The following SEMA4C variants were observed in gnomAD, a reference collection of about 807,000 sequenced individuals.
SEMA4C encodes the protein semaphorin 4C, also known as semaphorin-4C.
Under a neutral mutation model 89.0 loss-of-function variants are expected in SEMA4C, and 19 were observed. That is an observed-to-expected ratio of 0.21 (90% CI 0.15 to 0.31). The LOEUF is 0.31. SEMA4C is among the 10% of genes least tolerant of loss of function. The pLI, the probability that SEMA4C is intolerant of heterozygous loss-of-function variation, is 1.00. For missense variants in SEMA4C, 811 were observed against 1,107.0 expected, an observed-to-expected ratio of 0.73 and a Z score of 3.79; for synonymous variants, 428 against 472.7, an observed-to-expected ratio of 0.91 and a Z score of 1.23.
chr2:96,869,070 G>T, intron 1 of SEMA4C: 2 of 985,364 alleles, frequency 2.0e-6, no homozygotes, highest in South Asian at 4.7e-5. Context: ...CGCGGGGAGC[G>T]TGGCGAGCCC....
At chr2:96,868,826 C>T in intron 1 of SEMA4C, 1 of 985,382 alleles carries the variant, frequency 1.0e-6, no homozygotes, top group Non-Finnish European at 1.2e-6. Flanking sequence ...CGCTGCGCTC[C>T]CGCGACTCTG....
At position 96,865,912 on chromosome 2, in the gene SEMA4C, G is replaced by A. The variant is rs200002903; in HGVS notation, c.276C>T (p.Pro92=). 1.9e-4 allele frequency: 310 copies of A among 1,614,022 alleles called. No individual in the cohort carries two copies. The East Asian group carries it at 4.1e-3, about 21-fold the overall frequency. Residue 92 remains proline (P), a synonymous_variant, in exon 4 of 15, where the codon CCC becomes CCT. Coordinates refer to ENST00000305476, the MANE Select transcript of SEMA4C (RefSeq NM_017789.5). The part of the protein sequence containing the change: ...ELQGAISWEA[P]VEKKTECIQK... ...GGATACACTCAGTCTTCTTCTCCAC[G>A]GGGGCCTCCCAGGAGATCTGGGGAA... is the stretch of plus-strand genomic sequence containing the variant.
rs929738360 is a variant in SEMA4C, at chr2:96,869,398, C to T, written c.-38+478G>A. The T allele has an allele frequency of 3.1e-6, 3 of 982,802 alleles. No individual in the cohort carries two copies. The African/African-American group carries it at 5.3e-5, about 17-fold the overall frequency. 60.9% of individuals were successfully genotyped at this position (982,802 alleles called of 1,614,324 possible). A position where few individuals can be genotyped will look rare whatever the true frequency, so the allele number is the denominator to read the frequency against. On this transcript the variant is annotated intron_variant, in intron 1 of 14. Coordinates refer to ENST00000305476, the MANE Select transcript of SEMA4C (RefSeq NM_017789.5). The stretch of plus-strand genomic sequence containing the variant: ...CCTCCCTGCAGGGCGAGCGCTCCAG[C>T]CGGGGACGGCGCGGCCCGGCTCGGC...
intron 12 of SEMA4C, 122 bp downstream of exon 12, chr2:96,863,558 ATG>A: frequency 4.5e-5 from 56 of 1,240,740 alleles, no homozygotes; most frequent in Admixed American, 6.4e-5. Flanking sequence ...GTGCATCCAC[ATG>A]TGTGTGTGTT....
In SEMA4C at chr2:96,860,266, T is replaced by C. The variant is rs1428962929; in HGVS notation, c.*360A>G. On this transcript the variant is annotated 3_prime_UTR_variant, in exon 15 of 15. Coordinates refer to ENST00000305476, the MANE Select transcript of SEMA4C (RefSeq NM_017789.5). ...AGACTTGACAGAAACAGGAAGGCTA[T>C]GCCACAAGCGCGCACGCGCGTGCAC... The C allele has an allele frequency of 2.6e-5, 6 of 232,354 alleles. No individual in the cohort carries two copies. In the East Asian group the frequency reaches 5.4e-4, roughly 21 times the overall value. The allele number at this position is 232,354 out of a possible 1,614,324, so 14.4% of individuals were successfully genotyped here. A position where few individuals can be genotyped will look rare whatever the true frequency, so the allele number is the denominator to read the frequency against.
intron 1 of SEMA4C, chr2:96,868,344 GGGA>G: frequency 1.2e-6 from 1 of 867,146 alleles, no homozygotes; most frequent in Non-Finnish European, 1.4e-6. Flanking sequence ...ACCTAATTCT[GGGA>G]GGAAGACTCC....
intron 1 of SEMA4C, chr2:96,868,846 C>T: frequency 1.0e-6 from 1 of 985,412 alleles, no homozygotes; most frequent in African/African-American, 1.7e-5. Context: ...GACGAACCTT[C>T]CCAACTCGGG....
chr2:96,870,016 G>A lies in SEMA4C; in HGVS notation c.-178C>T, dbSNP rs187674122. The A allele has an allele frequency of 8.9e-4, 877 of 985,316 alleles. 31 individuals carry two copies. The East Asian group carries it at 0.074, about 83-fold the overall frequency. 61.0% of individuals were successfully genotyped at this position (985,316 alleles called of 1,614,324 possible). A position where few individuals can be genotyped will look rare whatever the true frequency, so the allele number is the denominator to read the frequency against. On this transcript the variant is annotated 5_prime_UTR_variant, in exon 1 of 15. Transcript: ENST00000305476. ...TCTCTGCCACCGCCCCTCCGTCCCC[G>A]CCCGGCTCCGCGCCCCTAGGCTCGG...
At chr2:96,868,488 C>CA in intron 1 of SEMA4C, 2 of 990,298 alleles carry the variant, frequency 2.0e-6, no homozygotes, top group South Asian at 9.2e-5. Flanking sequence ...AATAGCCCTG[C>CA]AGAACCCCAA....
At chr2:96,867,576 T>C (rs2080108328) in intron 2 of SEMA4C, among the ~76,000 whole-genome samples, 1 of 152,094 alleles carries the variant, frequency 6.6e-6, no homozygotes, top group Non-Finnish European at 1.5e-5. Flanking sequence ...CTCCCACACC[T>C]GGGCAGGCAG....
chr2:96,865,352 A>G (rs749771524), intron 6 of SEMA4C, 32 bp from the exon 7 acceptor site: 3 of 1,612,340 alleles, frequency 1.9e-6, no homozygotes, highest in Non-Finnish European at 2.5e-6. Flanking sequence ...TAGGCCACAC[A>G]TGAGGTATGG....
rs187918154 is a variant in SEMA4C at position 96,861,938 on chromosome 2, C to T, written c.1444-44G>A. The T allele has an allele frequency of 5.2e-4, 820 of 1,564,078 alleles. 2 individuals carry two copies. The highest frequency in any genetic ancestry group is 3.2e-3 in the Middle Eastern group (17 of 5,330). ...GCAGGAGGGGGGTCGGCCAGGGCCA[C>T]ACCACGGGAGGGGCGGCCGGACCAG... On this transcript the variant is annotated intron_variant, in intron 12 of 14. Transcript: ENST00000305476. The surrounding 1 kb of genome is among the most constrained non-coding windows in gnomAD (Gnocchi z 7.8).
chr2:96,868,123 G>A (rs1019904756), intron 1 of SEMA4C, among the ~76,000 whole-genome samples, 200 bp from the exon 2 acceptor site: 3 of 152,242 alleles, frequency 2.0e-5, no homozygotes, highest in Non-Finnish European at 2.9e-5. Flanking sequence ...GGGAAGCGGG[G>A]AGGAGTTGAG....
chr2:96,864,895 G>A lies in SEMA4C; in HGVS notation c.787-15C>T, dbSNP rs745849511. ...CCCATATCGCCCTGGCAGACGGCAA[G>A]GGGACACTGCCGGTCAGCCCCGCTG... On this transcript the variant is annotated splice_polypyrimidine_tract_variant and intron_variant, in intron 8 of 14. Coordinates refer to ENST00000305476, the MANE Select transcript of SEMA4C (RefSeq NM_017789.5). This position sits in a 1 kb window ranked among gnomAD's most constrained non-coding sequence, Gnocchi z 6.3. 34 of 1,612,240 alleles carry A rather than the reference G, an allele frequency of 2.1e-5. No individual in the cohort carries two copies. The highest frequency in any genetic ancestry group is 2.8e-5 in the Non-Finnish European group (33 of 1,179,300).
chr2:96,866,411 G>T lies in SEMA4C; in HGVS notation c.130C>A (p.Arg44=), dbSNP rs765364483. The T allele has an allele frequency of 7.4e-6, 12 of 1,613,838 alleles. No homozygotes were observed. The highest frequency in any genetic ancestry group is 1.3e-5 in the African/African-American group (1 of 74,946). ...TCCTGGATGCCGGTCTGGGAGAACC[G>T]CCGTACTACCGTGGCCAGCTCTGCA... is the stretch of plus-strand genomic sequence containing the variant. ...SSGELATVVR[R]FSQTGIQDFL... Residue 44 remains arginine, a synonymous_variant, in exon 3 of 15, where the codon CGG becomes AGG. Coordinates refer to ENST00000305476, the MANE Select transcript of SEMA4C (RefSeq NM_017789.5).
At chr2:96,870,127 G>A, upstream of SEMA4C, 3 of 973,318 alleles carry the variant, frequency 3.1e-6, no homozygotes, top group South Asian at 4.7e-5. Context: ...GTCAGGCTGG[G>A]GGGGTCGAGC....
At position 96,864,999 on chromosome 2, in the gene SEMA4C, C is replaced by T. The variant is rs780172981; in HGVS notation, c.751G>A (p.Glu251Lys). ...CGGGCCACACGAGCCACCACCTGCTCGGCATAGCAGTCGGACTCCACTGCC... is the reference window on the plus strand; with the variant it reads ...CGGGCCACACGAGCCACCACCTGCTTGGCATAGCAGTCGGACTCCACTGCC... ...ERAVESDCYA[E>K]QVVARVARVC... Residue 251 changes from glutamate (E) to lysine (K), a missense_variant, in exon 8 of 15, where the codon GAG (glutamate) becomes AAG (lysine). Physicochemically the swap from Glu to Lys is moderately conservative, Grantham distance 56 (BLOSUM62 1). Transcript: ENST00000305476. The surrounding 1 kb of genome is among the most constrained non-coding windows in gnomAD (Gnocchi z 6.3). The T allele has an allele frequency of 1.3e-6, 2 of 1,565,356 alleles. No homozygotes were observed. Among genetic ancestry groups the T allele is most frequent in the African/African-American group, 1.4e-5 (1 of 73,632 alleles).
At chr2:96,870,094 C>G, upstream of SEMA4C, 2 of 970,920 alleles carry the variant, frequency 2.1e-6, no homozygotes, top group Non-Finnish European at 2.4e-6. Flanking sequence ...GCGGCCGCGG[C>G]TCTCCGCCCC....
intron 6 of SEMA4C, 40 bp from the exon 7 acceptor site, chr2:96,865,360 T>G: frequency 6.2e-7 from 1 of 1,612,156 alleles, no homozygotes; most frequent in Non-Finnish European, 8.5e-7. Context: ...ACATGAGGTA[T>G]GGACACATCC....
Sources: allele counts gnomAD v4.1 joint callset (sites outside exome capture counted in the v4.1 genomes callset), GRCh38; gene constraint gnomAD v4.1.1; non-coding constraint Gnocchi (gnomAD v3.1); transcripts MANE v1.5; gene names NCBI Gene and HGNC (gene_info 2026-07-23, HGNC 2026-07-21).